The following MYH9 variants were observed in gnomAD, a reference collection of about 807,000 sequenced individuals.
MYH9 encodes the protein myosin heavy chain 9.
In MYH9, 29 loss-of-function variants were observed where a neutral mutation model predicts 241.9. The ratio of observed to expected loss-of-function variants is 0.12; its 90% confidence interval spans 0.09 to 0.16. The LOEUF (loss-of-function observed/expected upper bound fraction) is 0.16. MYH9 is among the 10% of genes least tolerant of loss of function. The probability of loss-of-function intolerance (pLI) is 1.00; values close to 1 mark genes in which losing one functional copy is unlikely to be tolerated. For missense variants in MYH9, 1,803 were observed against 2,595.5 expected (o/e 0.69, Z 6.63); for synonymous variants, 1,047 against 1,062.6 (o/e 0.99, Z 0.29).
intron 1 of MYH9, among the ~76,000 whole-genome samples, chr22:36,362,587 C>G (rs2017951250): frequency 6.6e-6 from 1 of 152,152 alleles, no homozygotes; most frequent in Non-Finnish European, 1.5e-5. Flanking sequence ...CTCCTGGATT[C>G]AAGTGATTAT....
chr22:36,337,850 C>G (rs1026218279), intron 3 of MYH9, among the ~76,000 whole-genome samples: 1 of 152,128 alleles, frequency 6.6e-6, no homozygotes, highest in Non-Finnish European at 1.5e-5. Flanking sequence ...CCAAAGGTTC[C>G]TCTGGATATT....
chr22:36,367,964 T>C (rs2018035720), intron 1 of MYH9, among the ~76,000 whole-genome samples: 1 of 152,044 alleles, frequency 6.6e-6, no homozygotes, highest in Non-Finnish European at 1.5e-5. Context: ...TGCAGAGACA[T>C]GCACACAGAG....
At position 36,329,972 on chromosome 22, in the gene MYH9, G is replaced by A. The variant is rs2017396977; in HGVS notation, c.491-2484C>T. Among the ~76,000 whole-genome samples, 1 of 152,190 alleles carries A rather than the reference G, an allele frequency of 6.6e-6. No individual in the cohort carries two copies. Among genetic ancestry groups the A allele is most frequent in the South Asian group, 2.1e-4 (1 of 4,830 alleles). On this transcript the variant is annotated intron_variant, in intron 3 of 40. Transcript: ENST00000216181. The surrounding 1 kb of genome is among the most constrained non-coding windows in gnomAD (Gnocchi z 4.1). ...CAGATGCATATCCACAAGCACAAGT[G>A]CAAACACAGGCACGCAAGGCACATG...
rs138932921 is a variant in MYH9, at chr22:36,374,235, T to C, written c.-20+13572A>G. On this transcript the variant is annotated intron_variant, in intron 1 of 40. Coordinates refer to ENST00000216181, the MANE Select transcript of MYH9 (RefSeq NM_002473.6). Reference sequence around the variant, plus strand: ...CCATCTCTACTAAAAATACAAAAATTAGCCAGGTATGGTAGCTCAAGCATG... The same window carrying C: ...CCATCTCTACTAAAAATACAAAAATCAGCCAGGTATGGTAGCTCAAGCATG... 4.1e-3 allele frequency among the ~76,000 whole-genome samples: 629 copies of C among 152,174 alleles called. 4 individuals carry two copies. The highest frequency in any genetic ancestry group is 0.015 in the African/African-American group (610 of 41,526).
intron 25 of MYH9, among the ~76,000 whole-genome samples, chr22:36,296,629 CT>C (rs1269494086): frequency 6.9e-6 from 1 of 144,876 alleles, no homozygotes; most frequent in South Asian, 2.3e-4. Context: ...CTGTGGATGA[CT>C]TTTTTTCAAA....
At chr22:36,368,558 G>A (rs1260603589) in intron 1 of MYH9, among the ~76,000 whole-genome samples, 1 of 152,190 alleles carries the variant, frequency 6.6e-6, no homozygotes, top group Non-Finnish European at 1.5e-5. Context: ...GGACCCGCAA[G>A]CTTTCCAGTA....
intron 2 of MYH9, among the ~76,000 whole-genome samples, chr22:36,347,123 T>TTTGTGACCCCAGAGCCCG (rs1205584424): frequency 2.6e-5 from 4 of 152,176 alleles, no homozygotes; most frequent in Non-Finnish European, 5.9e-5. Context: ...TGGACAGGAC[T>TTTGTGACCCCAGAGCCCG]TTGTGACCCC....
intron 1 of MYH9, among the ~76,000 whole-genome samples, chr22:36,373,210 G>A (rs1405236095): frequency 2.0e-5 from 3 of 152,134 alleles, no homozygotes; most frequent in Admixed American, 6.5e-5. Context: ...ATGGCCTTCC[G>A]ACTTTGGAAG....
intron 31 of MYH9, among the ~76,000 whole-genome samples, chr22:36,290,956 GC>G (rs1247579377): frequency 2.7e-5 from 4 of 150,440 alleles, no homozygotes; most frequent in Non-Finnish European, 4.4e-5. Flanking sequence ...CCCTGCAGCC[GC>G]CCCGTCTGAG....
At chr22:36,350,427 C>T (rs1475244897) in intron 1 of MYH9, among the ~76,000 whole-genome samples, 2 of 152,166 alleles carry the variant, frequency 1.3e-5, no homozygotes, top group Admixed American at 6.5e-5. Context: ...ATCCTAGCTG[C>T]TCAGGAGGCT....
intron 3 of MYH9, among the ~76,000 whole-genome samples, chr22:36,336,702 G>A (rs2017505105): frequency 6.6e-6 from 1 of 152,180 alleles, no homozygotes; most frequent in East Asian, 1.9e-4. Flanking sequence ...ACTACTTACT[G>A]ACTGACACAC....
At chr22:36,292,898 A>G (rs1212981905) in intron 30 of MYH9, among the ~76,000 whole-genome samples, 1 of 152,242 alleles carries the variant, frequency 6.6e-6, no homozygotes, top group African/African-American at 2.4e-5. Flanking sequence ...ACCATGGCTC[A>G]GGAAGCCACG....
In MYH9 at chr22:36,288,156, G is replaced by A. The variant is rs1413716974; in HGVS notation, c.4932+96C>T. On this transcript the variant is annotated intron_variant, in intron 34 of 40. Coordinates refer to ENST00000216181, the MANE Select transcript of MYH9 (RefSeq NM_002473.6). The surrounding 1 kb of genome is among the most constrained non-coding windows in gnomAD (Gnocchi z 4.8). ...GGACCTTCCCAGGAGGTGCCACCCT[G>A]CCAGGTTCCCGCCCTGGGCCGAGCC... The A allele has an allele frequency of 2.7e-6, 4 of 1,499,522 alleles. No homozygotes were observed. Among genetic ancestry groups the A allele is most frequent in the Non-Finnish European group, 3.7e-6 (4 of 1,090,378 alleles). 92.9% of individuals were successfully genotyped at this position (1,499,522 alleles called of 1,614,324 possible). A position where few individuals can be genotyped will look rare whatever the true frequency, so the allele number is the denominator to read the frequency against.
At chr22:36,292,333 G>T in intron 30 of MYH9, 99 bp from the exon 31 acceptor site, 1 of 1,524,428 alleles carries the variant, frequency 6.6e-7, no homozygotes, top group Non-Finnish European at 9.0e-7. Context: ...CCACACCGTG[G>T]AAGGGGCACC....
intron 40 of MYH9, 32 bp from the exon 41 acceptor site, chr22:36,282,817 G>A (rs750808251): frequency 1.3e-5 from 21 of 1,582,890 alleles, no homozygotes; most frequent in African/African-American, 2.7e-5. Context: ...GAGGGTCAGC[G>A]GGCCCGGCCA....
chr22:36,335,969 G>A (rs758063760), intron 3 of MYH9, among the ~76,000 whole-genome samples: 4 of 152,216 alleles, frequency 2.6e-5, no homozygotes, highest in Non-Finnish European at 5.9e-5. Flanking sequence ...AGGGGCATGT[G>A]CACACTCACT....
At chr22:36,283,699 C>T (rs1344438509) in intron 40 of MYH9, among the ~76,000 whole-genome samples, 2 of 152,192 alleles carry the variant, frequency 1.3e-5, no homozygotes, top group Non-Finnish European at 2.9e-5. Context: ...CTGCTTCAAA[C>T]ATTCACTACT....
intron 2 of MYH9, 69 bp downstream of exon 2, chr22:36,348,835 A>AGGGGGGGGGGGGGGGGGGGC: frequency 1.2e-6 from 1 of 869,014 alleles, no homozygotes; most frequent in Non-Finnish European, 1.7e-6. Context: ...GGTGATGGGA[A>AGGGGGGGGGGGGGGGGGGGC]GACCCGCCCC....
intron 1 of MYH9, among the ~76,000 whole-genome samples, chr22:36,373,422 C>A (rs61108118): frequency 6.6e-6 from 1 of 152,176 alleles, no homozygotes; most frequent in East Asian, 1.9e-4. Context: ...GACACAACGG[C>A]GGAGGCGGGG....
Sources: allele counts gnomAD v4.1 joint callset (sites outside exome capture counted in the v4.1 genomes callset), GRCh38; gene constraint gnomAD v4.1.1; non-coding constraint Gnocchi (gnomAD v3.1); transcripts MANE v1.5; gene names NCBI Gene and HGNC (gene_info 2026-07-23, HGNC 2026-07-21).